The following ELMO1 variants were observed in gnomAD, a reference collection of about 807,000 sequenced individuals.
ELMO1 encodes the protein engulfment and cell motility 1, also known as engulfment and cell motility protein 1.
A neutral mutation model predicts 98.9 loss-of-function variants in ELMO1; 26 were observed. The ratio of observed to expected loss-of-function variants is 0.26; its 90% CI spans 0.19 to 0.36. The LOEUF is 0.36. Ranked by LOEUF, ELMO1 falls within the 10% of genes least tolerant of loss-of-function variation. The probability of loss-of-function intolerance (pLI) is 1.00; values close to 1 mark genes in which losing one functional copy is unlikely to be tolerated. For missense variants in ELMO1, 627 were observed against 935.2 expected (o/e 0.67, Z 4.30); for synonymous variants, 346 against 346.0 (o/e 1.00, Z 0.00).
intron 1 of ELMO1, among the ~76,000 whole-genome samples, chr7:37,408,777 G>A (rs531470606): frequency 3.2e-4 from 49 of 152,096 alleles, no homozygotes; most frequent in Non-Finnish European, 6.2e-4. Context: ...AGGGGAAGTC[G>A]TTTTTCAGTG....
chr7:37,192,497 C>CA (rs535794727), intron 13 of ELMO1, among the ~76,000 whole-genome samples: 8,784 of 104,344 alleles, frequency 0.084, 606 homozygotes, highest in African/African-American at 0.15. Context: ...GACTCCATCT[C>CA]AAAAAAAAAA....
In ELMO1 at chr7:37,225,043, G is replaced by A; in HGVS notation, c.550-13C>T. 2.5e-6 allele frequency: 4 copies of A among 1,614,024 alleles called. No homozygotes were observed. Among genetic ancestry groups the A allele is most frequent in the Non-Finnish European group, 3.4e-6 (4 of 1,179,932 alleles). On this transcript the variant is annotated splice_polypyrimidine_tract_variant and intron_variant, in intron 8 of 21. Coordinates refer to ENST00000310758, the MANE Select transcript of ELMO1 (RefSeq NM_014800.11). Reference sequence around the variant, plus strand: ...CAAAACTTGCTATCTGAAAATCCAAGTGGGACACAATTGACTGCTCGTGGT... The same window carrying A: ...CAAAACTTGCTATCTGAAAATCCAAATGGGACACAATTGACTGCTCGTGGT...
chr7:37,282,734 CA>C (rs1187103277), intron 4 of ELMO1, among the ~76,000 whole-genome samples: 1 of 152,226 alleles, frequency 6.6e-6, no homozygotes, highest in Non-Finnish European at 1.5e-5. Flanking sequence ...TCTAGCCTTG[CA>C]GGGGCTGCTC....
intron 6 of ELMO1, among the ~76,000 whole-genome samples, chr7:37,255,465 C>A (rs1482506772): frequency 6.6e-6 from 1 of 152,082 alleles, no homozygotes; most frequent in Non-Finnish European, 1.5e-5. Context: ...TTATGGCAGC[C>A]CTAGCAAAGT....
intron 15 of ELMO1, among the ~76,000 whole-genome samples, chr7:37,068,087 T>C (rs1797078738): frequency 6.6e-6 from 1 of 152,210 alleles, no homozygotes; most frequent in African/African-American, 2.4e-5. Flanking sequence ...ACAGGTCTAC[T>C]GCTCTCAAGT....
At chr7:37,369,956 T>A (rs1477592252) in intron 1 of ELMO1, among the ~76,000 whole-genome samples, 2 of 152,164 alleles carry the variant, frequency 1.3e-5, no homozygotes, top group African/African-American at 4.8e-5. Flanking sequence ...GCTCTCTCTT[T>A]AAGTTCCCTT....
intron 2 of ELMO1, among the ~76,000 whole-genome samples, chr7:37,335,669 G>A (rs532162949): frequency 2.6e-5 from 4 of 152,274 alleles, no homozygotes; most frequent in South Asian, 2.1e-4. Flanking sequence ...AGGGGTGCCC[G>A]GAAGCCCTCG....
chr7:37,371,136 AT>A (rs1473714791), intron 1 of ELMO1, among the ~76,000 whole-genome samples: 2 of 152,248 alleles, frequency 1.3e-5, no homozygotes, highest in Non-Finnish European at 2.9e-5. Context: ...CTCAGAAACA[AT>A]GTTAATACTG....
At chr7:37,252,649 C>G (rs974838227) in intron 6 of ELMO1, among the ~76,000 whole-genome samples, 6 of 152,136 alleles carry the variant, frequency 3.9e-5, no homozygotes, top group African/African-American at 1.4e-4. Context: ...CCTAGGAATA[C>G]CATTCAGGAC....
At chr7:37,222,351 A>C (rs574294111) in intron 10 of ELMO1, among the ~76,000 whole-genome samples, 3 of 152,138 alleles carry the variant, frequency 2.0e-5, no homozygotes, top group Non-Finnish European at 4.4e-5. Context: ...GTTGCATTTC[A>C]TTTCATGAAA....
intron 16 of ELMO1, among the ~76,000 whole-genome samples, chr7:36,905,542 C>T (rs1017493699): frequency 2.0e-5 from 3 of 152,204 alleles, no homozygotes; most frequent in East Asian, 3.9e-4. Flanking sequence ...AAATCCTTAT[C>T]GTCTTTGTTA....
intron 14 of ELMO1, among the ~76,000 whole-genome samples, chr7:37,131,566 T>C (rs1201765365): frequency 6.6e-6 from 1 of 152,210 alleles, no homozygotes; most frequent in African/African-American, 2.4e-5. Context: ...AATTTCTACT[T>C]AGCTTCTACT....
intron 1 of ELMO1, chr7:37,351,127 T>C (rs1050367758): frequency 2.0e-5 from 3 of 152,230 alleles, no homozygotes; most frequent in African/African-American, 7.2e-5. Context: ...AAAACCTTTA[T>C]AAAAATTTAG....
At chr7:37,393,219 G>T (rs2131427707) in intron 1 of ELMO1, among the ~76,000 whole-genome samples, 1 of 152,116 alleles carries the variant, frequency 6.6e-6, no homozygotes, top group South Asian at 2.1e-4. Flanking sequence ...CATTCTTCCT[G>T]AACAACTTGA....
intron 1 of ELMO1, among the ~76,000 whole-genome samples, chr7:37,415,160 T>C (rs944836844): frequency 6.6e-6 from 1 of 152,244 alleles, no homozygotes; most frequent in Admixed American, 6.5e-5. Context: ...TCCACACTCA[T>C]TTCTCTTGCA....
intron 4 of ELMO1, among the ~76,000 whole-genome samples, chr7:37,309,101 A>AT (rs1798766923): frequency 6.6e-6 from 1 of 152,206 alleles, no homozygotes; most frequent in Admixed American, 6.5e-5. Context: ...TAATAAAGAC[A>AT]TACCTGAGAC....
chr7:37,187,888 T>C (rs1368290160), intron 13 of ELMO1, among the ~76,000 whole-genome samples: 2 of 152,202 alleles, frequency 1.3e-5, no homozygotes, highest in Non-Finnish European at 2.9e-5. Context: ...GGGAACTCCC[T>C]GAATATCCCA....
At chr7:37,147,633 G>T (rs34789646) in intron 13 of ELMO1, among the ~76,000 whole-genome samples, 1,825 of 152,290 alleles carry the variant, frequency 0.012, 12 homozygotes, top group Non-Finnish European at 0.019. Flanking sequence ...GCTATGCCAT[G>T]TTGGGTTTTA....
intron 1 of ELMO1, among the ~76,000 whole-genome samples, chr7:37,385,681 G>A (rs554517038): frequency 7.9e-4 from 121 of 152,344 alleles, no homozygotes; most frequent in Non-Finnish European, 1.6e-3. Context: ...TGTATCCCGT[G>A]TCTAGGAGAG....
Sources: allele counts gnomAD v4.1 joint callset (sites outside exome capture counted in the v4.1 genomes callset), GRCh38; gene constraint gnomAD v4.1.1; transcripts MANE v1.5; gene names NCBI Gene and HGNC (gene_info 2026-07-23, HGNC 2026-07-21).